VPS45: variants seen among roughly 807,000 people sequenced by gnomAD.
VPS45 encodes the protein vacuolar protein sorting 45 homolog.
Under a neutral mutation model 75.9 loss-of-function variants are expected in VPS45, and 35 were observed. That is an observed-to-expected ratio of 0.46 (90% CI 0.35 to 0.61). The LOEUF (loss-of-function observed/expected upper bound fraction) is 0.61, where lower values mean the gene tolerates loss of function less well. Ranked by LOEUF, VPS45 falls within the 20% of genes least tolerant of loss-of-function variation. The pLI is 0.00. For missense variants in VPS45, 559 were observed against 685.9 expected (o/e 0.81, Z 2.07); for synonymous variants, 220 against 238.2 (o/e 0.92, Z 0.70).
intron 2 of VPS45, among the ~76,000 whole-genome samples, chr1:150,071,672 C>T (rs1655079866): frequency 6.6e-6 from 1 of 151,612 alleles, no homozygotes; most frequent in Non-Finnish European, 1.5e-5. Context: ...CCTGTAATCT[C>T]AGCTACTTGG....
Position 150,144,692 on chromosome 1 carries a change from C to T in VPS45, c.1626-17C>T. On this transcript the variant is annotated splice_polypyrimidine_tract_variant and intron_variant, in intron 14 of 14. Transcript: ENST00000644510. The stretch of plus-strand genomic sequence containing the variant: ...GCTTTTGTTTTTTCCTTCAAGTAAC[C>T]TCAAACTACTTATCAGTTTCCTAGA... 1.3e-6 allele frequency: 2 copies of T among 1,599,354 alleles called. No individual in the cohort carries two copies. The highest frequency in any genetic ancestry group is 1.3e-5 in the African/African-American group (1 of 74,218).
intron 3 of VPS45, among the ~76,000 whole-genome samples, chr1:150,074,001 GTGTGTGT>G (rs1257057924): frequency 1.4e-5 from 2 of 144,280 alleles, no homozygotes; most frequent in Non-Finnish European, 3.0e-5. Flanking sequence ...CTGTGTGTGT[GTGTGTGT>G]TGTTTTTGTT....
chr1:150,113,431 A>C (rs587661147), intron 14 of VPS45, among the ~76,000 whole-genome samples: 2 of 152,214 alleles, frequency 1.3e-5, no homozygotes, highest in Admixed American at 1.3e-4. Context: ...TATATCTATG[A>C]GATGACCTCT....
At chr1:150,071,598 C>A (rs1425499553) in intron 2 of VPS45, among the ~76,000 whole-genome samples, 1 of 151,978 alleles carries the variant, frequency 6.6e-6, no homozygotes, top group Non-Finnish European at 1.5e-5. Context: ...ACCAGCCTGG[C>A]CAACATGGTG....
intron 7 of VPS45, 67 bp downstream of exon 7, chr1:150,077,846 G>A: frequency 1.5e-6 from 2 of 1,299,500 alleles, no homozygotes; most frequent in Non-Finnish European, 1.1e-6. Flanking sequence ...ATACAGATAG[G>A]GAAGTAAAAA....
chr1:150,117,524 AAAAT>A (rs587679181), intron 14 of VPS45, among the ~76,000 whole-genome samples: 2 of 150,910 alleles, frequency 1.3e-5, no homozygotes, highest in Admixed American at 6.6e-5. Flanking sequence ...CTCTGTCTCA[AAAAT>A]AAATAAATAA....
rs1407080389 is a variant in VPS45, at chr1:150,076,951, T to C, written c.405T>C (p.His135=). The C allele has an allele frequency of 3.7e-6, 6 of 1,614,036 alleles. No individual in the cohort carries two copies. The highest frequency in any genetic ancestry group is 4.2e-6 in the Non-Finnish European group (5 of 1,180,026). Residue 135 remains histidine (H), a synonymous_variant, in exon 5 of 15, where the codon CAT becomes CAC. Transcript: ENST00000644510. The part of the protein sequence containing the change: ...FYGDYIAVNP[H]LFSLNILGCC... The stretch of plus-strand genomic sequence containing the variant: ...GTGATTACATTGCTGTGAACCCACA[T>C]TTGTTTTCCCTCAATATTTTGGGTT...
At position 150,145,065 on chromosome 1, in the gene VPS45, G is replaced by A. The variant is rs1324980818; in HGVS notation, c.*269G>A. The A allele has an allele frequency of 4.7e-6, 4 of 845,616 alleles. No homozygotes were observed. In the East Asian group the frequency reaches 1.1e-4, roughly 23 times the overall value. 52.4% of individuals were successfully genotyped at this position (845,616 alleles called of 1,614,324 possible). ...TTCAGTTACTGATGAATTTTGTTGG[G>A]ATCTGACTTGGGGAAAGGGTTATCA... On this transcript the variant is annotated 3_prime_UTR_variant, in exon 15 of 15. Coordinates refer to ENST00000644510, the MANE Select transcript of VPS45 (RefSeq NM_007259.5).
intron 14 of VPS45, among the ~76,000 whole-genome samples, chr1:150,117,406 C>T (rs782663118): frequency 1.1e-4 from 17 of 151,174 alleles, no homozygotes; most frequent in African/African-American, 4.1e-4. Flanking sequence ...CCTATAGTCC[C>T]AGCTACTCAG....
intron 14 of VPS45, among the ~76,000 whole-genome samples, chr1:150,117,385 G>A (rs1317828853): frequency 6.6e-6 from 1 of 150,464 alleles, no homozygotes; most frequent in Non-Finnish European, 1.5e-5. Flanking sequence ...AGCCAGGCAT[G>A]GTGACAGGCA....
chr1:150,078,407 C>T (rs1655514985), intron 7 of VPS45, among the ~76,000 whole-genome samples: 1 of 152,002 alleles, frequency 6.6e-6, no homozygotes, highest in South Asian at 2.1e-4. Flanking sequence ...TTTCTAAACT[C>T]TAGAATGTTT....
intron 13 of VPS45, 48 bp from the exon 14 acceptor site, chr1:150,110,448 C>CTTTTTTT: frequency 6.6e-7 from 1 of 1,509,316 alleles, no homozygotes; most frequent in Non-Finnish European, 9.0e-7. Context: ...AGTCACAGTC[C>CTTTTTTT]TTTTTTTTTC....
intron 13 of VPS45, among the ~76,000 whole-genome samples, chr1:150,108,275 T>C (rs1330235380): frequency 1.3e-5 from 2 of 152,150 alleles, no homozygotes; most frequent in East Asian, 3.8e-4. Context: ...AGCAGATGTA[T>C]TTACAACCAA....
chr1:150,091,235 A>G (rs927314159), intron 10 of VPS45, among the ~76,000 whole-genome samples: 2 of 152,202 alleles, frequency 1.3e-5, no homozygotes, highest in African/African-American at 2.4e-5. Context: ...GCAACAGTGC[A>G]TGACATACTG....
chr1:150,098,372 A>G (rs1359311131), intron 13 of VPS45, among the ~76,000 whole-genome samples: 1 of 152,240 alleles, frequency 6.6e-6, no homozygotes, highest in African/African-American at 2.4e-5. Flanking sequence ...GGTAAATTCT[A>G]TAGGCATCTC....
At chr1:150,090,721 TACTC>T (rs1656280927) in intron 10 of VPS45, among the ~76,000 whole-genome samples, 2 of 152,346 alleles carry the variant, frequency 1.3e-5, no homozygotes, top group South Asian at 2.1e-4. Context: ...GTCTTGAAAA[TACTC>T]ACTTCTCATA....
At chr1:150,103,076 A>T (rs1200046358) in intron 13 of VPS45, among the ~76,000 whole-genome samples, 1 of 141,476 alleles carries the variant, frequency 7.1e-6, no homozygotes, top group Non-Finnish European at 1.6e-5. Context: ...TTTATTTTTA[A>T]CAAAATAAGA....
intron 13 of VPS45, among the ~76,000 whole-genome samples, chr1:150,094,138 A>C (rs192398412): frequency 6.4e-4 from 97 of 152,354 alleles, no homozygotes; most frequent in Middle Eastern, 3.4e-3. Flanking sequence ...TAACTAAAGG[A>C]AGCAATAATT....
chr1:150,112,198 AT>A (rs1160201277), intron 14 of VPS45, among the ~76,000 whole-genome samples: 1 of 151,778 alleles, frequency 6.6e-6, no homozygotes, highest in Non-Finnish European at 1.5e-5. Flanking sequence ...AAATAAGGTT[AT>A]TGGCCATTTG....
Sources: gnomAD v4.1 joint callset for allele counts (sites outside exome capture counted in the v4.1 genomes callset) on GRCh38, gnomAD v4.1.1 for gene constraint, MANE v1.5 for transcripts, NCBI Gene and HGNC (gene_info 2026-07-23, HGNC 2026-07-21) for gene names.